The following TSPAN18 variants were observed in gnomAD, a reference collection of about 807,000 sequenced individuals.
TSPAN18 encodes the protein tetraspanin-18.
TSPAN18 carries 14 observed loss-of-function variants against 27.3 expected under a neutral mutation model. That is an observed-to-expected ratio of 0.51 (90% confidence interval 0.34 to 0.80). TSPAN18 has a LOEUF of 0.80. Ranked by LOEUF, TSPAN18 falls within the 30% of genes least tolerant of loss-of-function variation. TSPAN18 has a pLI of 0.01. For missense variants in TSPAN18, 268 were observed against 323.9 expected, an observed-to-expected ratio of 0.83 and a Z score of 1.32; for synonymous variants, 143 against 136.5, an observed-to-expected ratio of 1.05 and a Z score of -0.33.
intron 2 of TSPAN18, among the ~76,000 whole-genome samples, chr11:44,789,175 C>T (rs1467769894): frequency 6.6e-6 from 1 of 152,182 alleles, no homozygotes; most frequent in Non-Finnish European, 1.5e-5. Context: ...ATTCTTTTCA[C>T]AGCTTACCAG....
At chr11:44,777,201 G>A (rs1855831876) in intron 2 of TSPAN18, among the ~76,000 whole-genome samples, 1 of 152,174 alleles carries the variant, frequency 6.6e-6, no homozygotes, top group South Asian at 2.1e-4. Context: ...TCCCCCATAT[G>A]TCATACATTT....
chr11:44,739,329 T>C (rs1854874007), intron 1 of TSPAN18, among the ~76,000 whole-genome samples: 1 of 152,142 alleles, frequency 6.6e-6, no homozygotes, highest in Non-Finnish European at 1.5e-5. Context: ...TCTTTGAAAA[T>C]AATCACGTCT....
chr11:44,820,448 T>C (rs1376484234), intron 2 of TSPAN18, among the ~76,000 whole-genome samples: 3 of 152,218 alleles, frequency 2.0e-5, no homozygotes, highest in African/African-American at 4.8e-5. Flanking sequence ...TCAGAAGCTA[T>C]GGACAGAGCT....
At chr11:44,886,915 T>C (rs971957943) in intron 3 of TSPAN18, among the ~76,000 whole-genome samples, 2 of 152,284 alleles carry the variant, frequency 1.3e-5, no homozygotes, top group Admixed American at 1.3e-4. Context: ...GGGTATATAT[T>C]GTCTGTGTGG....
In TSPAN18 at chr11:44,784,492, C is replaced by T. The variant is rs184040250; in HGVS notation, c.-153+19980C>T. Among the ~76,000 whole-genome samples the T allele has an allele frequency of 5.3e-5, 8 of 152,298 alleles. No homozygotes were observed. In the East Asian group the frequency reaches 1.4e-3, roughly 26 times the overall value. On this transcript the variant is annotated intron_variant, in intron 2 of 9. Coordinates refer to ENST00000520358, the MANE Select transcript of TSPAN18 (RefSeq NM_130783.5). ...CAGGCATGAATGCCCCTAGGTCGGC[C>T]CCGCAAACTGGGTTGGACTCCGTGC...
At chr11:44,752,262 C>A (rs1057199287) in intron 1 of TSPAN18, among the ~76,000 whole-genome samples, 2 of 152,178 alleles carry the variant, frequency 1.3e-5, no homozygotes, top group African/African-American at 2.4e-5. Flanking sequence ...CTGTTTTAAC[C>A]GATACAAGGA....
intron 2 of TSPAN18, among the ~76,000 whole-genome samples, chr11:44,830,356 A>G (rs933977462): frequency 6.6e-6 from 1 of 152,252 alleles, no homozygotes; most frequent in African/African-American, 2.4e-5. Context: ...TGCAAGTGCC[A>G]TAGCAGGGAG....
At chr11:44,856,769 C>G (rs1348912711) in intron 2 of TSPAN18, among the ~76,000 whole-genome samples, 1 of 152,138 alleles carries the variant, frequency 6.6e-6, no homozygotes, top group Non-Finnish European at 1.5e-5. Flanking sequence ...AATTCAAGAC[C>G]AGCCCCACGC....
chr11:44,850,287 G>T (rs1292998824), intron 2 of TSPAN18, among the ~76,000 whole-genome samples: 1 of 152,158 alleles, frequency 6.6e-6, no homozygotes, highest in Admixed American at 6.5e-5. Context: ...TTCAGGTGGG[G>T]TTAGAACCCC....
At chr11:44,820,074 C>T (rs1230111328) in intron 2 of TSPAN18, among the ~76,000 whole-genome samples, 1 of 152,200 alleles carries the variant, frequency 6.6e-6, no homozygotes, top group Non-Finnish European at 1.5e-5. Context: ...ACTGGGACAC[C>T]TCTGAGCCCC....
intron 2 of TSPAN18, among the ~76,000 whole-genome samples, chr11:44,792,193 C>T (rs1172231864): frequency 1.3e-5 from 2 of 152,004 alleles, no homozygotes; most frequent in African/African-American, 4.8e-5. Flanking sequence ...CATAATAGTC[C>T]TGAGAAATTC....
chr11:44,768,659 T>C, intron 2 of TSPAN18, among the ~76,000 whole-genome samples: 1 of 152,168 alleles, frequency 6.6e-6, no homozygotes, highest in South Asian at 2.1e-4. Flanking sequence ...CTTGCCTTAT[T>C]CCTGATCTTA....
intron 3 of TSPAN18, among the ~76,000 whole-genome samples, chr11:44,882,554 G>A (rs1267902563): frequency 1.3e-5 from 2 of 150,156 alleles, no homozygotes; most frequent in African/African-American, 2.5e-5. Context: ...AGCAGGTAGC[G>A]TTCCACCTCA....
chr11:44,847,797 G>A (rs193164553), intron 2 of TSPAN18, among the ~76,000 whole-genome samples: 11 of 151,894 alleles, frequency 7.2e-5, no homozygotes, highest in Admixed American at 4.6e-4. Context: ...AAGATTAAAT[G>A]AAGTGCCCAG....
At chr11:44,842,259 T>C (rs1336641195) in intron 2 of TSPAN18, among the ~76,000 whole-genome samples, 1 of 152,190 alleles carries the variant, frequency 6.6e-6, no homozygotes, top group East Asian at 1.9e-4. Flanking sequence ...TTTTGCTTCA[T>C]GGCCACTATT....
Position 44,772,753 on chromosome 11 carries a change from G to A in TSPAN18, c.-153+8241G>A, listed in dbSNP as rs984621727. Among the ~76,000 whole-genome samples, 4 of 152,120 alleles carry A rather than the reference G, an allele frequency of 2.6e-5. No homozygotes were observed. The South Asian group carries it at 6.2e-4, about 24-fold the overall frequency. On this transcript the variant is annotated intron_variant, in intron 2 of 9. Coordinates refer to ENST00000520358, the MANE Select transcript of TSPAN18 (RefSeq NM_130783.5). ...AGCTCACTGCAACTTCCGCCTCCCC[G>A]GTTCAAGTGATTCTCCTGCCTCAGC...
chr11:44,925,402 C>T (rs1256702685), intron 8 of TSPAN18, among the ~76,000 whole-genome samples: 1 of 152,178 alleles, frequency 6.6e-6, no homozygotes, highest in Non-Finnish European at 1.5e-5. Context: ...CTGGGTATGT[C>T]CTGTTTGCTC....
intron 3 of TSPAN18, among the ~76,000 whole-genome samples, chr11:44,896,012 A>C (rs1859032490): frequency 6.6e-6 from 1 of 151,782 alleles, no homozygotes. Flanking sequence ...AAAACCACTC[A>C]CCTGTGTGCC....
At chr11:44,820,670 C>T (rs1422589015) in intron 2 of TSPAN18, among the ~76,000 whole-genome samples, 1 of 152,016 alleles carries the variant, frequency 6.6e-6, no homozygotes, top group African/African-American at 2.4e-5. Context: ...TCCCCCCGCC[C>T]CCAATCTCGT....
Sources: allele counts gnomAD v4.1 joint callset (sites outside exome capture counted in the v4.1 genomes callset), GRCh38; gene constraint gnomAD v4.1.1; transcripts MANE v1.5; gene names NCBI Gene and HGNC (gene_info 2026-07-23, HGNC 2026-07-21).